The following UVRAG variants were observed in gnomAD, a reference collection of about 807,000 sequenced individuals.
UVRAG encodes UV radiation resistance associated.
A neutral mutation model predicts 78.0 loss-of-function variants in UVRAG; 19 were observed. The observed-to-expected ratio is 0.24, with a 90% CI of 0.17 to 0.36. The LOEUF (loss-of-function observed/expected upper bound fraction) is 0.36. Ranked by LOEUF, UVRAG falls within the 10% of genes least tolerant of loss-of-function variation. UVRAG has a pLI of 1.00. For synonymous variants in UVRAG, 323 were observed against 324.6 expected (o/e 1.00, Z 0.05); for missense variants, 740 against 853.8 (o/e 0.87, Z 1.66).
intron 13 of UVRAG, among the ~76,000 whole-genome samples, chr11:76,072,813 C>G (rs1951339480): frequency 6.6e-6 from 1 of 152,194 alleles, no homozygotes; most frequent in South Asian, 2.1e-4. Context: ...AGTGTGCCAA[C>G]TGTACAGAAT....
rs544188567 is a variant in UVRAG, at chr11:75,998,885, C to CT, written c.827-5114dup. On this transcript the variant is annotated intron_variant, in intron 8 of 14. Coordinates refer to ENST00000356136, the MANE Select transcript of UVRAG (RefSeq NM_003369.4). Reference sequence around the variant, plus strand: ...CTTTGTTCTTCTGCAGGTAATGTGTCTTTTTTCTATGGCTGCCTTGGACAT... The same window carrying CT: ...CTTTGTTCTTCTGCAGGTAATGTGTCTTTTTTTCTATGGCTGCCTTGGACAT... 7.9e-5 allele frequency among the ~76,000 whole-genome samples: 12 copies of CT among 152,206 alleles called. No homozygotes were observed. In the East Asian group the frequency reaches 1.7e-3, roughly 22 times the overall value.
intron 11 of UVRAG, among the ~76,000 whole-genome samples, chr11:76,011,754 T>C (rs1950054531): frequency 1.3e-5 from 2 of 152,208 alleles, no homozygotes; most frequent in Admixed American, 6.5e-5. Flanking sequence ...GGTTAAGACA[T>C]TGATCCTGCC....
intron 11 of UVRAG, among the ~76,000 whole-genome samples, chr11:76,010,112 G>C (rs1950023868): frequency 1.3e-5 from 2 of 152,166 alleles, no homozygotes; most frequent in African/African-American, 4.8e-5. Context: ...AATGTGTTTT[G>C]ATATTAATTT....
At chr11:75,947,214 G>T (rs111818346) in intron 6 of UVRAG, among the ~76,000 whole-genome samples, 165 of 152,268 alleles carry the variant, frequency 1.1e-3, no homozygotes, top group African/African-American at 3.8e-3. Context: ...TCAGCCTATA[G>T]CACCCAGCTA....
At chr11:76,048,641 C>T (rs1282295959) in intron 12 of UVRAG, among the ~76,000 whole-genome samples, 1 of 152,146 alleles carries the variant, frequency 6.6e-6, no homozygotes, top group African/African-American at 2.4e-5. Flanking sequence ...GAGGTGATTC[C>T]TTTTGCAATT....
intron 14 of UVRAG, among the ~76,000 whole-genome samples, chr11:76,118,778 A>G (rs1952227930): frequency 6.6e-6 from 1 of 152,188 alleles, no homozygotes. Context: ...TTTCTTTCAC[A>G]TAAAATCCTT....
chr11:75,858,874 G>C (rs1034495589), intron 2 of UVRAG, among the ~76,000 whole-genome samples: 10 of 152,172 alleles, frequency 6.6e-5, no homozygotes, highest in African/African-American at 2.4e-4. Flanking sequence ...GCTTTGAATA[G>C]ATACACCATA....
intron 12 of UVRAG, among the ~76,000 whole-genome samples, chr11:76,054,611 G>C (rs1195743218): frequency 6.6e-6 from 1 of 152,142 alleles, no homozygotes; most frequent in Non-Finnish European, 1.5e-5. Context: ...ACTATACCAG[G>C]CATTCCTGTC....
chr11:76,060,451 C>T (rs1222982838), intron 12 of UVRAG, among the ~76,000 whole-genome samples: 1 of 152,260 alleles, frequency 6.6e-6, no homozygotes, highest in Non-Finnish European at 1.5e-5. Flanking sequence ...TGCCTGGGCT[C>T]CCACTTTGGC....
chr11:75,912,082 C>T (rs377627892), intron 6 of UVRAG, 43 bp downstream of exon 6: 26 of 1,401,546 alleles, frequency 1.9e-5, no homozygotes, highest in Non-Finnish European at 2.4e-5. Context: ...AAGAATCTTT[C>T]TCATTTTGAG....
At chr11:76,047,340 A>C (rs1433031134) in intron 12 of UVRAG, among the ~76,000 whole-genome samples, 1 of 152,180 alleles carries the variant, frequency 6.6e-6, no homozygotes, top group Non-Finnish European at 1.5e-5. Context: ...GTGTTTAGGA[A>C]AGAAGTCTGG....
At chr11:75,949,714 T>TATATAC (rs59607906) in intron 6 of UVRAG, among the ~76,000 whole-genome samples, 73 of 136,872 alleles carry the variant, frequency 5.3e-4, no homozygotes, top group African/African-American at 1.2e-3. Flanking sequence ...TATATATATA[T>TATATAC]ACACACACAC....
intron 1 of UVRAG, among the ~76,000 whole-genome samples, chr11:75,836,623 A>G (rs1413291204): frequency 2.0e-5 from 3 of 152,164 alleles, no homozygotes; most frequent in Admixed American, 1.3e-4. Flanking sequence ...TCACTGCCCT[A>G]AAGCTACTGT....
chr11:75,864,447 C>T (rs572957523), intron 3 of UVRAG, among the ~76,000 whole-genome samples: 3 of 152,322 alleles, frequency 2.0e-5, no homozygotes, highest in Non-Finnish European at 4.4e-5. Context: ...TTGGGCAGTA[C>T]AGGAGTCAAC....
At chr11:75,895,522 T>A (rs1010283515) in intron 5 of UVRAG, among the ~76,000 whole-genome samples, 1 of 152,210 alleles carries the variant, frequency 6.6e-6, no homozygotes, top group African/African-American at 2.4e-5. Context: ...AAATACTGGA[T>A]TTTAATCCTT....
chr11:76,056,477 TAA>T (rs1023570178), intron 12 of UVRAG, among the ~76,000 whole-genome samples: 22 of 152,360 alleles, frequency 1.4e-4, no homozygotes, highest in African/African-American at 4.8e-4. Flanking sequence ...CAACAATATA[TAA>T]GAGTTCTGGT....
chr11:75,964,080 A>G (rs1049540747), intron 7 of UVRAG, among the ~76,000 whole-genome samples: 4 of 152,214 alleles, frequency 2.6e-5, no homozygotes, highest in Admixed American at 6.5e-5. Flanking sequence ...CCAACTTTGC[A>G]TTCCTAGGGA....
intron 12 of UVRAG, among the ~76,000 whole-genome samples, chr11:76,045,622 G>A (rs1026629609): frequency 6.7e-6 from 1 of 148,896 alleles, no homozygotes; most frequent in African/African-American, 2.5e-5. Flanking sequence ...ATTTAGAAAA[G>A]ATGAAGCGTG....
At chr11:75,821,837 T>C (rs1945395809) in intron 1 of UVRAG, among the ~76,000 whole-genome samples, 1 of 152,158 alleles carries the variant, frequency 6.6e-6, no homozygotes, top group Non-Finnish European at 1.5e-5. Flanking sequence ...TCTGATGTTT[T>C]TTCTTATGAT....
Sources: gnomAD v4.1 joint callset for allele counts (sites outside exome capture counted in the v4.1 genomes callset) on GRCh38, gnomAD v4.1.1 for gene constraint, MANE v1.5 for transcripts, NCBI Gene and HGNC (gene_info 2026-07-23, HGNC 2026-07-21) for gene names.